WDR20: variants seen among roughly 807,000 people sequenced by gnomAD.
WDR20 encodes WD repeat-containing protein 20.
Under a neutral mutation model 38.7 loss-of-function variants are expected in WDR20, and 3 were observed. That is an observed-to-expected ratio of 0.08 (90% CI 0.04 to 0.20). The LOEUF (loss-of-function observed/expected upper bound fraction) is 0.20. Ranked by LOEUF, WDR20 falls within the 10% of genes least tolerant of loss-of-function variation. The probability of loss-of-function intolerance (pLI) is 1.00; values close to 1 mark genes in which losing one functional copy is unlikely to be tolerated. For missense variants in WDR20, 559 were observed against 727.7 expected (o/e 0.77, Z 2.67); for synonymous variants, 298 against 285.6 (o/e 1.04, Z -0.44).
At chr14:102,165,608 A>C (rs2059588017) in intron 1 of WDR20, among the ~76,000 whole-genome samples, 1 of 149,704 alleles carries the variant, frequency 6.7e-6, no homozygotes. Flanking sequence ...GTCAAGACCT[A>C]ATTTTTTGTT....
intron 1 of WDR20, among the ~76,000 whole-genome samples, chr14:102,154,611 A>G (rs1442249864): frequency 5.3e-5 from 8 of 152,132 alleles, no homozygotes; most frequent in Non-Finnish European, 1.2e-4. Flanking sequence ...CACCTTCCTT[A>G]TTGAACATAA....
At chr14:102,141,309 A>G (rs773266059) in intron 1 of WDR20, among the ~76,000 whole-genome samples, 1 of 152,356 alleles carries the variant, frequency 6.6e-6, no homozygotes, top group Non-Finnish European at 1.5e-5. Context: ...TAATATAGCC[A>G]GATCCAGTAC....
At position 102,139,898 on chromosome 14, in the gene WDR20, G is replaced by C. The variant is rs1412605843; in HGVS notation, c.-26G>C. 2.5e-6 allele frequency: 4 copies of C among 1,608,312 alleles called. No homozygotes were observed. Among genetic ancestry groups the C allele is most frequent in the African/African-American group, 1.3e-5 (1 of 74,828 alleles). On this transcript the variant is annotated 5_prime_UTR_variant, in exon 1 of 3. Transcript: ENST00000342702. Reference sequence around the variant, plus strand: ...GCGGTGGGCGTGATCCGGGCACTTAGGGCAGGATGAACGCTGCTTTCCAAG... The same window carrying C: ...GCGGTGGGCGTGATCCGGGCACTTACGGCAGGATGAACGCTGCTTTCCAAG...
At chr14:102,170,039 T>C (rs1016684700) in intron 1 of WDR20, among the ~76,000 whole-genome samples, 3 of 152,232 alleles carry the variant, frequency 2.0e-5, no homozygotes, top group African/African-American at 7.2e-5. Flanking sequence ...TTTCCAGAGA[T>C]AGCCAATGTT....
chr14:102,207,924 ATC>A lies in WDR20; in HGVS notation c.433-672_433-671del, dbSNP rs1244415262. ...ACACTCCCGAATGAATCGTCAGTGT[ATC>A]TCTCTCAACACCAGCAGAGAGGGTT... is the stretch of plus-strand genomic sequence containing the variant. On this transcript the variant is annotated intron_variant, in intron 2 of 2. Transcript: ENST00000342702. The surrounding 1 kb of genome is among the most constrained non-coding windows in gnomAD (Gnocchi z 5.0). Among the ~76,000 whole-genome samples the A allele has an allele frequency of 1.3e-5, 2 of 152,222 alleles. No individual in the cohort carries two copies. Among genetic ancestry groups the A allele is most frequent in the Non-Finnish European group, 2.9e-5 (2 of 68,042 alleles).
intron 2 of WDR20, among the ~76,000 whole-genome samples, chr14:102,202,588 G>T (rs1191162341): frequency 2.0e-5 from 3 of 151,728 alleles, no homozygotes; most frequent in African/African-American, 4.8e-5. Context: ...CACCATATTG[G>T]CCAGGATGGT....
chr14:102,188,715 A>G (rs887149618), intron 1 of WDR20, among the ~76,000 whole-genome samples: 1 of 151,628 alleles, frequency 6.6e-6, no homozygotes, highest in Non-Finnish European at 1.5e-5. Context: ...AGAAAATTAA[A>G]AAAAAAAAAT....
intron 2 of WDR20, among the ~76,000 whole-genome samples, chr14:102,195,344 T>C (rs1429752024): frequency 6.6e-6 from 1 of 152,154 alleles, no homozygotes; most frequent in African/African-American, 2.4e-5. Flanking sequence ...CATGCTCAGG[T>C]GTCTATAACA....
At chr14:102,206,482 A>T (rs2061561343) in intron 2 of WDR20, among the ~76,000 whole-genome samples, 1 of 152,156 alleles carries the variant, frequency 6.6e-6, no homozygotes, top group Non-Finnish European at 1.5e-5. Context: ...AATAAAATTT[A>T]CTCCTAACCG....
At chr14:102,188,187 A>G (rs1216166387) in intron 1 of WDR20, among the ~76,000 whole-genome samples, 1 of 152,214 alleles carries the variant, frequency 6.6e-6, no homozygotes, top group Non-Finnish European at 1.5e-5. Flanking sequence ...ACCACATCAG[A>G]TGCTTCTGGG....
In WDR20 at chr14:102,162,432, A is replaced by G. The variant is rs144048256; in HGVS notation, c.249+22260A>G. Among the ~76,000 whole-genome samples, 444 of 152,236 alleles carry G rather than the reference A, an allele frequency of 2.9e-3. 6 individuals carry two copies. Among genetic ancestry groups the G allele is most frequent in the African/African-American group, 0.01 (422 of 41,490 alleles). On this transcript the variant is annotated intron_variant, in intron 1 of 2. Transcript: ENST00000342702. Reference sequence around the variant, plus strand: ...ATCTTGAGGGAAGAAACCATATCTTATTGATCATATCAATAAGTGCCTGTA... The same window carrying G: ...ATCTTGAGGGAAGAAACCATATCTTGTTGATCATATCAATAAGTGCCTGTA...
chr14:102,218,986 C>G (rs1244619532), downstream of WDR20, among the ~76,000 whole-genome samples: 1 of 152,186 alleles, frequency 6.6e-6, no homozygotes, highest in Non-Finnish European at 1.5e-5. Context: ...AGCAGAAGGA[C>G]AGGGTAAAAC....
At chr14:102,160,852 G>A (rs2058467389) in intron 1 of WDR20, among the ~76,000 whole-genome samples, 1 of 147,778 alleles carries the variant, frequency 6.8e-6, no homozygotes, top group Non-Finnish European at 1.5e-5. Context: ...GGAGGCTGAG[G>A]CAGGAGAATG....
chr14:102,213,747 C>G (rs2062844560), downstream of WDR20: 1 of 985,388 alleles, frequency 1.0e-6, no homozygotes, highest in East Asian at 1.1e-4. Flanking sequence ...CTGAAGTTGC[C>G]TGCATACAAG....
intron 1 of WDR20, among the ~76,000 whole-genome samples, chr14:102,150,738 T>C (rs1040825419): frequency 2.0e-5 from 3 of 152,180 alleles, no homozygotes; most frequent in Non-Finnish European, 2.9e-5. Flanking sequence ...AAAAGCAGTA[T>C]GCCAGACTTT....
chr14:102,187,039 C>G (rs1041696338), intron 1 of WDR20, among the ~76,000 whole-genome samples: 4 of 152,052 alleles, frequency 2.6e-5, no homozygotes, highest in Non-Finnish European at 2.9e-5. Flanking sequence ...AGATAGGCCC[C>G]TAGTCGTTCC....
At chr14:102,224,384 TC>T (rs1290802358), downstream of WDR20, 4 of 355,454 alleles carry the variant, frequency 1.1e-5, no homozygotes, top group African/African-American at 8.6e-5. Context: ...CTCGTGAGCA[TC>T]TGAGTTTAGG....
intron 1 of WDR20, among the ~76,000 whole-genome samples, chr14:102,162,559 A>ATCTT (rs1266636127): frequency 6.6e-6 from 1 of 151,808 alleles, no homozygotes; most frequent in Non-Finnish European, 1.5e-5. Context: ...ACATCAGATA[A>ATCTT]TCTTTCTTTC....
intron 1 of WDR20, among the ~76,000 whole-genome samples, chr14:102,180,500 AT>A (rs71468390): frequency 6.6e-6 from 1 of 152,188 alleles, no homozygotes; most frequent in African/African-American, 2.4e-5. Flanking sequence ...GGTTCAAGGG[AT>A]TCTCCTGACT....
Sources: gnomAD v4.1 joint callset for allele counts (sites outside exome capture counted in the v4.1 genomes callset) on GRCh38, gnomAD v4.1.1 for gene constraint, Gnocchi (gnomAD v3.1) non-coding constraint, MANE v1.5 for transcripts, NCBI Gene and HGNC (gene_info 2026-07-23, HGNC 2026-07-21) for gene names.